Variants in MMP20 observed in about 807,000 individuals in gnomAD.
The protein encoded by MMP20 is matrix metalloproteinase-20.
Under a neutral mutation model 51.8 loss-of-function variants are expected in MMP20, and 50 were observed. That is an observed-to-expected ratio of 0.97 (90% CI 0.77 to 1.22). The LOEUF (loss-of-function observed/expected upper bound fraction) is 1.22. MMP20 is among the 50% of genes most tolerant of loss of function. MMP20 has a pLI of 0.00. For synonymous variants in MMP20, 244 were observed against 216.2 expected, an observed-to-expected ratio of 1.13 and a Z score of -1.13; for missense variants, 663 against 601.4, an observed-to-expected ratio of 1.10 and a Z score of -1.07.
chr11:102,602,476 G>A (rs894598188), intron 6 of MMP20, among the ~76,000 whole-genome samples: 8 of 152,140 alleles, frequency 5.3e-5, no homozygotes, highest in African/African-American at 1.9e-4. Context: ...GGGTGTGGAA[G>A]CAAAGGAACA....
Position 102,590,614 on chromosome 11 carries a change from C to T in MMP20, c.1247+2825G>A, listed in dbSNP as rs540789879. Among the ~76,000 whole-genome samples the T allele has an allele frequency of 2.2e-4, 34 of 152,178 alleles. 1 individual carries two copies. Among genetic ancestry groups the T allele is most frequent in the African/African-American group, 5.6e-4 (23 of 41,436 alleles). ...TTTTCTTCCCTTGGCACATTACTTA[C>T]GTCACAGACTGAACTAGCATGAGGA... On this transcript the variant is annotated intron_variant, in intron 8 of 9. Transcript: ENST00000260228.
At position 102,606,625 on chromosome 11, in the gene MMP20, T is replaced by G. The variant is rs1859520830; in HGVS notation, c.863A>C (p.His288Pro). 1 of 1,613,934 alleles carries G rather than the reference T, an allele frequency of 6.2e-7. No homozygotes were observed. The highest frequency in any genetic ancestry group is 2.2e-5 in the East Asian group (1 of 44,882). The change falls in exon 6 of 10, where the codon CAC becomes CCC. Residue 288 changes from histidine to proline, a missense_variant. Coordinates refer to ENST00000260228, the MANE Select transcript of MMP20 (RefSeq NM_004771.4). ...GKPTLPHAPHHKPSIPDLCDS... is the reference protein window; with the variant it reads ...GKPTLPHAPHPKPSIPDLCDS... ...ACAGAGGTCAGGGATGGATGGCTTGTGATGGGGGGCATGGGGCAGAGTGGG... is the reference window on the plus strand; with the variant it reads ...ACAGAGGTCAGGGATGGATGGCTTGGGATGGGGGGCATGGGGCAGAGTGGG...
chr11:102,584,880 C>A (rs1043435255), intron 8 of MMP20, among the ~76,000 whole-genome samples: 1 of 152,070 alleles, frequency 6.6e-6, no homozygotes, highest in African/African-American at 2.4e-5. Flanking sequence ...TTGAAGATAC[C>A]ATTTTTCTCC....
intron 6 of MMP20, among the ~76,000 whole-genome samples, chr11:102,599,211 G>C (rs1859418024): frequency 6.6e-6 from 1 of 151,974 alleles, no homozygotes; most frequent in Non-Finnish European, 1.5e-5. Flanking sequence ...GTAGAGATGG[G>C]GTTTGACCAT....
chr11:102,617,065 A>T lies in MMP20; in HGVS notation c.127-6T>A. 6.2e-7 allele frequency: 1 copy of T among 1,614,222 alleles called. No homozygotes were observed. Among genetic ancestry groups the T allele is most frequent in the Non-Finnish European group, 8.5e-7 (1 of 1,180,036 alleles). ...TAATATTTGTCAAGATACGCCTGAAATGGAGAGGCAGGCTGACGCGTCTAC... is the reference window on the plus strand; with the variant it reads ...TAATATTTGTCAAGATACGCCTGAATTGGAGAGGCAGGCTGACGCGTCTAC... On this transcript the variant is annotated splice_region_variant and splice_polypyrimidine_tract_variant and intron_variant, in intron 1 of 9. Coordinates refer to ENST00000260228, the MANE Select transcript of MMP20 (RefSeq NM_004771.4).
chr11:102,611,650 T>G, intron 3 of MMP20, 105 bp downstream of exon 3: 8 of 1,402,830 alleles, frequency 5.7e-6, no homozygotes, highest in Non-Finnish European at 7.9e-6. Flanking sequence ...ATCACAGCAC[T>G]GTGCGAAGGA....
At chr11:102,590,449 C>T (rs76262928) in intron 8 of MMP20, among the ~76,000 whole-genome samples, 2,972 of 152,216 alleles carry the variant, frequency 0.02, 89 homozygotes, top group African/African-American at 0.067. Context: ...ATGGGTCCTC[C>T]CTTTTAGAGC....
intron 5 of MMP20, among the ~76,000 whole-genome samples, chr11:102,608,573 T>A (rs1859549728): frequency 6.6e-6 from 1 of 152,198 alleles, no homozygotes; most frequent in South Asian, 2.1e-4. Context: ...ATTGCTATTT[T>A]TAGGGAGATA....
chr11:102,586,220 A>C (rs955851695), intron 8 of MMP20, among the ~76,000 whole-genome samples: 9 of 152,206 alleles, frequency 5.9e-5, no homozygotes. Flanking sequence ...AAAAAAATTG[A>C]CATTAATTCT....
chr11:102,611,718 C>G, intron 3 of MMP20, 37 bp downstream of exon 3: 1 of 1,609,060 alleles, frequency 6.2e-7, no homozygotes. Context: ...GACAACTCTC[C>G]TTTGAATTAG....
In MMP20 at chr11:102,606,495, A is replaced by G. The variant is rs116445633; in HGVS notation, c.953+40T>C. On this transcript the variant is annotated intron_variant, in intron 6 of 9. Transcript: ENST00000260228. The stretch of plus-strand genomic sequence containing the variant: ...GGACGACGTTTGTCTGGGAGTGGAG[A>G]TGAGGCCCAATGAGAGTCGGTGGCG... 5,598 of 1,613,016 alleles carry G rather than the reference A, an allele frequency of 3.5e-3. 180 individuals carry two copies. The African/African-American group carries it at 0.065, about 19-fold the overall frequency.
intron 8 of MMP20, among the ~76,000 whole-genome samples, chr11:102,593,035 A>G (rs1859335417): frequency 6.6e-6 from 1 of 152,254 alleles, no homozygotes; most frequent in Non-Finnish European, 1.5e-5. Context: ...ACCCATGGTC[A>G]GGACCATCTC....
intron 1 of MMP20, among the ~76,000 whole-genome samples, chr11:102,624,189 A>C (rs929802623): frequency 6.6e-5 from 10 of 152,200 alleles, no homozygotes; most frequent in African/African-American, 1.9e-4. Flanking sequence ...AGCGGTACAC[A>C]GGTGCAGCCT....
intron 8 of MMP20, among the ~76,000 whole-genome samples, chr11:102,580,111 A>G (rs1292807179): frequency 6.6e-6 from 1 of 152,250 alleles, no homozygotes; most frequent in Non-Finnish European, 1.5e-5. Context: ...GAAAGCTTAT[A>G]TGACTGACTG....
intron 8 of MMP20, among the ~76,000 whole-genome samples, chr11:102,589,237 C>T (rs1859288324): frequency 6.6e-6 from 1 of 152,168 alleles, no homozygotes; most frequent in Admixed American, 6.5e-5. Context: ...CTTTCTCTGC[C>T]TGGAAGCCAC....
intron 5 of MMP20, 156 bp from the exon 6 acceptor site, chr11:102,606,832 C>G: frequency 1.2e-6 from 1 of 821,544 alleles, no homozygotes; most frequent in South Asian, 1.5e-5. Context: ...TCCCGGCTCT[C>G]CTGGTTGCTG....
intron 1 of MMP20, among the ~76,000 whole-genome samples, chr11:102,619,092 C>T (rs1401665341): frequency 3.3e-5 from 5 of 151,962 alleles, no homozygotes; most frequent in Admixed American, 1.3e-4. Context: ...GGTTCCATTC[C>T]GTCTCTAGTT....
Position 102,604,020 on chromosome 11 carries a change from GT to G in MMP20, c.953+2514del, listed in dbSNP as rs55952766. On this transcript the variant is annotated intron_variant, in intron 6 of 9. Coordinates refer to ENST00000260228, the MANE Select transcript of MMP20 (RefSeq NM_004771.4). ...TGCTCACAGTTTGATAAACAGAGGTGTTTTTTTTTTTTGCTTTTTTTTAAGA... is the reference window on the plus strand; with the variant it reads ...TGCTCACAGTTTGATAAACAGAGGTGTTTTTTTTTTTGCTTTTTTTTAAGA... 3.0e-3 allele frequency among the ~76,000 whole-genome samples: 440 copies of G among 146,320 alleles called. 1 individual carries two copies. Among genetic ancestry groups the G allele is most frequent in the Non-Finnish European group, 3.5e-3 (232 of 66,448 alleles).
chr11:102,609,120 A>G (rs764962535), intron 4 of MMP20, 22 bp from the exon 5 acceptor site: 21 of 1,612,628 alleles, frequency 1.3e-5, no homozygotes, highest in Middle Eastern at 1.7e-4. Flanking sequence ...GAGAGAGAAA[A>G]AAACAGTATC....
Sources: gnomAD v4.1 joint callset for allele counts (sites outside exome capture counted in the v4.1 genomes callset) on GRCh38, gnomAD v4.1.1 for gene constraint, MANE v1.5 for transcripts, NCBI Gene and HGNC (gene_info 2026-07-23, HGNC 2026-07-21) for gene names.